The following EDARADD variants were observed in gnomAD, a reference collection of about 807,000 sequenced individuals.
EDARADD encodes the protein ectodysplasin-A receptor-associated adapter protein.
In EDARADD, 20 loss-of-function variants were observed where a neutral mutation model predicts 25.6. The ratio of observed to expected loss-of-function variants is 0.78; its 90% CI spans 0.55 to 1.14. The LOEUF is 1.14. Ranked by LOEUF, EDARADD falls within the 50% of genes most tolerant of loss-of-function variation. The pLI is 0.00. For synonymous variants in EDARADD, 86 were observed against 94.4 expected (o/e 0.91, Z 0.52); for missense variants, 225 against 270.1 (o/e 0.83, Z 1.17).
intron 4 of EDARADD, among the ~76,000 whole-genome samples, chr1:236,462,147 C>T (rs1477122698): frequency 6.6e-6 from 1 of 152,130 alleles, no homozygotes; most frequent in Non-Finnish European, 1.5e-5. Flanking sequence ...GGTGACTTTC[C>T]TTCTATGGGT....
upstream of EDARADD, among the ~76,000 whole-genome samples, chr1:236,391,357 T>A (rs1667424400): frequency 6.6e-6 from 1 of 152,162 alleles, no homozygotes; most frequent in African/African-American, 2.4e-5. Context: ...CTTAAAGCAC[T>A]CTGGGCAAAA....
At chr1:236,458,277 A>G (rs1658930713) in intron 4 of EDARADD, among the ~76,000 whole-genome samples, 1 of 152,240 alleles carries the variant, frequency 6.6e-6, no homozygotes, top group Middle Eastern at 3.2e-3. Flanking sequence ...GTTGGCAGGA[A>G]CTGGTTGAAT....
At chr1:236,446,267 T>C (rs567488497) in intron 4 of EDARADD, among the ~76,000 whole-genome samples, 1 of 152,264 alleles carries the variant, frequency 6.6e-6, no homozygotes, top group Non-Finnish European at 1.5e-5. Context: ...TGTAGTTCAG[T>C]ATTTTTCAAA....
chr1:236,409,819 C>T (rs1313945512), intron 2 of EDARADD, among the ~76,000 whole-genome samples: 2 of 151,974 alleles, frequency 1.3e-5, no homozygotes, highest in Non-Finnish European at 2.9e-5. Flanking sequence ...CACCCTCGGC[C>T]TCCCAAAGTG....
rs115195708 is a variant in EDARADD, at chr1:236,417,291, T to C, written c.160+2992T>C. 6.5e-3 allele frequency among the ~76,000 whole-genome samples: 996 copies of C among 152,350 alleles called. 9 individuals are homozygous for C. The highest frequency in any genetic ancestry group is 0.048 in the South Asian group (231 of 4,828). On this transcript the variant is annotated intron_variant, in intron 3 of 5. Coordinates refer to ENST00000334232, the MANE Select transcript of EDARADD (RefSeq NM_145861.4). The stretch of plus-strand genomic sequence containing the variant: ...TTTTAAGGAGGCCAGCTTTATTTAC[T>C]AGAAGCATCATTTGTAATTAGCGTT...
At chr1:236,436,624 C>CAAAA (rs5781885) in intron 4 of EDARADD, among the ~76,000 whole-genome samples, 30 of 94,126 alleles carry the variant, frequency 3.2e-4, no homozygotes, top group South Asian at 1.7e-3. Context: ...AAGATCTTGT[C>CAAAA]AAAAAAAAAA....
rs72215388 is a variant in EDARADD at position 236,480,096 on chromosome 1, CATATATATATATATATAT to C, written c.266-2148_266-2131del. On this transcript the variant is annotated intron_variant, in intron 5 of 5. Transcript: ENST00000334232. Reference sequence around the variant, plus strand: ...ATCTCAGTGTGCCTTTTAAGTATGCCATATATATATATATATATATATATATATATATATATATATCAC... The same window carrying C: ...ATCTCAGTGTGCCTTTTAAGTATGCCATATATATATATATATATATATCAC... Among the ~76,000 whole-genome samples, 43 of 77,864 alleles carry C rather than the reference CATATATATATATATATAT, an allele frequency of 5.5e-4. No individual in the cohort carries two copies. The East Asian group carries it at 7.3e-3, about 13-fold the overall frequency. 51.1% of individuals were successfully genotyped at this position (77,864 alleles called of 152,430 possible).
intron 3 of EDARADD, among the ~76,000 whole-genome samples, chr1:236,385,089 C>T (rs1231333833): frequency 5.9e-4 from 72 of 121,920 alleles, no homozygotes; most frequent in South Asian, 9.8e-4. Context: ...CCTTTTGATT[C>T]TTTTTTTTTT....
At position 236,447,215 on chromosome 1, in the gene EDARADD, T is replaced by TCTTTCTTTCTTC. The variant is rs1558127454; in HGVS notation, c.219+19774_219+19775insTTCCTTTCTTTC. On this transcript the variant is annotated intron_variant, in intron 4 of 5. Transcript: ENST00000334232. ...TTCTTTCTTTCTTTCTTTCTTTCTT[T>TCTTTCTTTCTTC]CTTTCTTTCCTTTCTTTCCTTTCTT... Among the ~76,000 whole-genome samples the TCTTTCTTTCTTC allele has an allele frequency of 5.7e-5, 3 of 52,764 alleles. No homozygotes were observed. The East Asian group carries it at 9.4e-4, about 17-fold the overall frequency. The allele number at this position is 52,764 out of a possible 152,430, so 34.6% of individuals were successfully genotyped here.
At position 236,426,170 on chromosome 1, in the gene EDARADD, G is replaced by T. The variant is rs114897510; in HGVS notation, c.161-1222G>T. ...CTAATTTTTAAGTTTTTTGAGACTG[G>T]GTCTCACTGGGTTGCCCAGGCTGCT... On this transcript the variant is annotated intron_variant, in intron 3 of 5. Transcript: ENST00000334232. Among the ~76,000 whole-genome samples the T allele has an allele frequency of 5.1e-3, 770 of 151,966 alleles. 10 individuals are homozygous for T. Among genetic ancestry groups the T allele is most frequent in the African/African-American group, 0.018 (738 of 41,410 alleles).
chr1:236,391,944 C>T (rs1274575354), upstream of EDARADD, among the ~76,000 whole-genome samples: 1 of 152,186 alleles, frequency 6.6e-6, no homozygotes, highest in Non-Finnish European at 1.5e-5. Context: ...CACTTTGCTT[C>T]CATACATCTT....
At position 236,411,567 on chromosome 1, in the gene EDARADD, G is replaced by T. The variant is rs577661805; in HGVS notation, c.120+2293G>T. 2.3e-4 allele frequency among the ~76,000 whole-genome samples: 33 copies of T among 146,282 alleles called. 1 individual carries two copies. The South Asian group carries it at 7.3e-3, about 33-fold the overall frequency. ...TTCTTCTTTTTTTTTTTTGAGATGG[G>T]GTTTCACTCTTGTCGCCCAGCTGGA... On this transcript the variant is annotated intron_variant, in intron 2 of 5. Transcript: ENST00000334232.
In EDARADD at chr1:236,484,665, G is replaced by A. The variant is rs573337924; in HGVS notation, c.*2016G>A. ...GCAGGTTGCAGTGAGCCGAGATTGC[G>A]CCACTGCACACCAGTCTGGAGACAG... On this transcript the variant is annotated 3_prime_UTR_variant, in exon 6 of 6. Coordinates refer to ENST00000334232, the MANE Select transcript of EDARADD (RefSeq NM_145861.4). The surrounding 1 kb of genome is among the most constrained non-coding windows in gnomAD (Gnocchi z 4.1). 3.8e-5 allele frequency: 18 copies of A among 471,998 alleles called. No homozygotes were observed. Among genetic ancestry groups the A allele is most frequent in the Admixed American group, 3.7e-4 (11 of 29,876 alleles). 29.2% of individuals were successfully genotyped at this position (471,998 alleles called of 1,614,324 possible). A position where few individuals can be genotyped will look rare whatever the true frequency, so the allele number is the denominator to read the frequency against.
In EDARADD at chr1:236,417,962, C is replaced by CTT. The variant is rs60224366; in HGVS notation, c.160+3671_160+3672dup. On this transcript the variant is annotated intron_variant, in intron 3 of 5. Transcript: ENST00000334232. ...TTTTTTTCTCTTCTTTTCTTTTTTT[C>CTT]TTTTTTTTTGAGACGGATTCTCGCT... 3.6e-3 allele frequency among the ~76,000 whole-genome samples: 506 copies of CTT among 139,440 alleles called. 14 individuals are homozygous for CTT. The highest frequency in any genetic ancestry group is 0.012 in the African/African-American group (450 of 36,918). The allele number at this position is 139,440 out of a possible 152,430, so 91.5% of individuals were successfully genotyped here.
intron 5 of EDARADD, among the ~76,000 whole-genome samples, chr1:236,481,486 G>A (rs1490992337): frequency 6.6e-6 from 1 of 152,048 alleles, no homozygotes; most frequent in Non-Finnish European, 1.5e-5. Flanking sequence ...AACACAGCCA[G>A]GTGCGGTGGC....
At chr1:236,409,518 T>C (rs1308553779) in intron 2 of EDARADD, among the ~76,000 whole-genome samples, 2 of 152,106 alleles carry the variant, frequency 1.3e-5, no homozygotes, top group African/African-American at 4.8e-5. Flanking sequence ...TATTACATTA[T>C]GTGAGGGCTT....
At chr1:236,393,434 C>A (rs368855210), upstream of EDARADD, among the ~76,000 whole-genome samples, 11 of 109,062 alleles carry the variant, frequency 1.0e-4, no homozygotes, top group Non-Finnish European at 1.5e-4. Context: ...CTCACTCTGT[C>A]GCCCAGGCTG....
intron 4 of EDARADD, among the ~76,000 whole-genome samples, chr1:236,461,398 G>A (rs1051212748): frequency 1.3e-5 from 2 of 152,114 alleles, no homozygotes; most frequent in African/African-American, 4.8e-5. Flanking sequence ...ACCATTTATT[G>A]AAGAGACTGT....
chr1:236,404,818 C>T (rs915870889), intron 1 of EDARADD, among the ~76,000 whole-genome samples: 1 of 151,178 alleles, frequency 6.6e-6, no homozygotes, highest in East Asian at 2.0e-4. Context: ...AAATGTCTGG[C>T]GCGGTGGCTC....
Sources: gnomAD v4.1 joint callset for allele counts (sites outside exome capture counted in the v4.1 genomes callset) on GRCh38, gnomAD v4.1.1 for gene constraint, Gnocchi (gnomAD v3.1) non-coding constraint, MANE v1.5 for transcripts, NCBI Gene and HGNC (gene_info 2026-07-23, HGNC 2026-07-21) for gene names.